The following ADGRA3 variants were observed in gnomAD, a reference collection of about 807,000 sequenced individuals.
The protein encoded by ADGRA3 is G-protein coupled receptor 125.
In ADGRA3, 56 loss-of-function variants were observed where a neutral mutation model predicts 119.8. The ratio of observed to expected loss-of-function variants is 0.47; its 90% confidence interval spans 0.38 to 0.58. The LOEUF is 0.58. Among genes scored for constraint, ADGRA3 ranks in the 20% least tolerant of loss-of-function variants. The pLI is 0.00. For synonymous variants in ADGRA3, 607 were observed against 623.8 expected (o/e 0.97, Z 0.40); for missense variants, 1,516 against 1,649.0 (o/e 0.92, Z 1.40).
intron 1 of ADGRA3, among the ~76,000 whole-genome samples, chr4:22,502,893 G>GAAA (rs71182944): frequency 8.3e-6 from 1 of 120,098 alleles, no homozygotes. Flanking sequence ...CTACTTAAGG[G>GAAA]AAAAAAAAAA....
chr4:22,448,609 A>G (rs188094287), intron 4 of ADGRA3, among the ~76,000 whole-genome samples: 49 of 152,316 alleles, frequency 3.2e-4, no homozygotes, highest in African/African-American at 9.1e-4. Flanking sequence ...GAGTTGGAGA[A>G]GAGAACTGAT....
chr4:22,413,077 A>AAAAAAAAC, intron 14 of ADGRA3, 105 bp downstream of exon 14: 3 of 800,618 alleles, frequency 3.7e-6, no homozygotes, highest in African/African-American at 2.0e-5. Context: ...GTTAAAAGTA[A>AAAAAAAAC]AAAAAAAAAA....
intron 1 of ADGRA3, among the ~76,000 whole-genome samples, chr4:22,511,806 G>A (rs750298865): frequency 3.3e-5 from 5 of 151,532 alleles, no homozygotes; most frequent in South Asian, 2.1e-4. Flanking sequence ...CTCCAAACCC[G>A]TGGGCACCTG....
At chr4:22,496,602 A>C (rs111982867) in intron 1 of ADGRA3, among the ~76,000 whole-genome samples, 3,345 of 152,270 alleles carry the variant, frequency 0.022, 114 homozygotes, top group African/African-American at 0.075. Context: ...GGAAATTATG[A>C]CTCAAGGGTG....
intron 14 of ADGRA3, among the ~76,000 whole-genome samples, chr4:22,407,353 T>C (rs1714985388): frequency 6.6e-6 from 1 of 152,020 alleles, no homozygotes; most frequent in African/African-American, 2.4e-5. Context: ...AGCTCTACAA[T>C]GAGAGAGAGA....
Position 22,388,345 on chromosome 4 carries a change from GA to G in ADGRA3, c.3325del (p.Ser1109ProfsTer7). 2 of 1,614,088 alleles carry G rather than the reference GA, an allele frequency of 1.2e-6. No individual in the cohort carries two copies. Among genetic ancestry groups the G allele is most frequent in the Non-Finnish European group, 1.7e-6 (2 of 1,180,006 alleles). ...TNKSASSFKN[S>X]SQGCKLTNLQ... Reference sequence around the variant, plus strand: ...GTTTGTTAATTTGCAGCCCTGGGAGGAATTTTTGAAGCTTGAAGCACTTTTG... The same window carrying G: ...GTTTGTTAATTTGCAGCCCTGGGAGGATTTTTGAAGCTTGAAGCACTTTTG... On this transcript the variant is annotated frameshift_variant, in exon 19 of 19. Transcript: ENST00000334304. LOFTEE classifies it high-confidence loss of function.
intron 1 of ADGRA3, among the ~76,000 whole-genome samples, chr4:22,507,775 G>A (rs911019714): frequency 3.3e-5 from 5 of 152,116 alleles, no homozygotes; most frequent in Non-Finnish European, 5.9e-5. Context: ...AGATTTCTGA[G>A]CAATATTCCC....
intron 10 of ADGRA3, among the ~76,000 whole-genome samples, chr4:22,431,215 T>A (rs980005244): frequency 6.6e-6 from 1 of 152,058 alleles, no homozygotes; most frequent in African/African-American, 2.4e-5. Context: ...AAGGCCACCG[T>A]CCTCCAGACC....
chr4:22,492,694 T>C (rs1276099437), intron 1 of ADGRA3, among the ~76,000 whole-genome samples: 1 of 152,018 alleles, frequency 6.6e-6, no homozygotes, highest in Non-Finnish European at 1.5e-5. Context: ...GTGTGGTAAA[T>C]GACATTCTCA....
chr4:22,429,177 A>T (rs931386185), intron 10 of ADGRA3, among the ~76,000 whole-genome samples: 3 of 152,222 alleles, frequency 2.0e-5, no homozygotes, highest in African/African-American at 7.2e-5. Flanking sequence ...TATTAAATAT[A>T]TTAAAAGATA....
chr4:22,452,403 T>C (rs1156537294), intron 4 of ADGRA3, among the ~76,000 whole-genome samples: 1 of 152,138 alleles, frequency 6.6e-6, no homozygotes, highest in Non-Finnish European at 1.5e-5. Context: ...TATATACAAA[T>C]ACAAATAAAT....
intron 14 of ADGRA3, among the ~76,000 whole-genome samples, chr4:22,406,511 G>A (rs1019037146): frequency 1.3e-5 from 2 of 152,070 alleles, no homozygotes; most frequent in Non-Finnish European, 2.9e-5. Flanking sequence ...CTTAACTGGG[G>A]TAAGGTATCT....
chr4:22,478,317 T>C (rs1346165622), intron 1 of ADGRA3: 1 of 152,156 alleles, frequency 6.6e-6, no homozygotes, highest in Non-Finnish European at 1.5e-5. Context: ...GAAATAAAAA[T>C]TAAGTAGTTT....
In ADGRA3 at chr4:22,425,353, G is replaced by A. The variant is rs116892212; in HGVS notation, c.1444-1001C>T. Among the ~76,000 whole-genome samples the A allele has an allele frequency of 8.8e-3, 1,334 of 151,984 alleles. 21 individuals carry two copies. Among genetic ancestry groups the A allele is most frequent in the East Asian group, 0.045 (230 of 5,166 alleles). ...TTCATTTACTGGATTCTTTTTATTCGCTCACTTCGTAACTTACAGATGTAA... is the reference window on the plus strand; with the variant it reads ...TTCATTTACTGGATTCTTTTTATTCACTCACTTCGTAACTTACAGATGTAA... On this transcript the variant is annotated intron_variant, in intron 10 of 18. Coordinates refer to ENST00000334304, the MANE Select transcript of ADGRA3 (RefSeq NM_145290.4).
intron 1 of ADGRA3, among the ~76,000 whole-genome samples, chr4:22,475,669 G>T (rs1326114258): frequency 6.6e-6 from 1 of 151,948 alleles, no homozygotes; most frequent in Non-Finnish European, 1.5e-5. Flanking sequence ...GGAGCTTGCA[G>T]TGAGCCGAGA....
rs537838250 is a variant in ADGRA3 at position 22,498,490 on chromosome 4, C to A, written c.257+17038G>T. Among the ~76,000 whole-genome samples, 4 of 145,430 alleles carry A rather than the reference C, an allele frequency of 2.8e-5. No homozygotes were observed. In the South Asian group the frequency reaches 6.9e-4, roughly 25 times the overall value. ...AAAATTAGCAGGGCATGGTGGCGGG[C>A]GCCTGTAATCCTAGCTACTCGGGAA... On this transcript the variant is annotated intron_variant, in intron 1 of 18. Coordinates refer to ENST00000334304, the MANE Select transcript of ADGRA3 (RefSeq NM_145290.4).
rs560687295 is a variant in ADGRA3 at position 22,439,854 on chromosome 4, C to T, written c.921-1434G>A. On this transcript the variant is annotated intron_variant, in intron 7 of 18. Coordinates refer to ENST00000334304, the MANE Select transcript of ADGRA3 (RefSeq NM_145290.4). The stretch of plus-strand genomic sequence containing the variant: ...GACATAGTAACTTTGTCATGGTGCC[C>T]CACCCCAGCTCAAAAAAATACCGAT... Among the ~76,000 whole-genome samples, 5 of 152,138 alleles carry T rather than the reference C, an allele frequency of 3.3e-5. No individual in the cohort carries two copies. In the East Asian group the frequency reaches 7.7e-4, roughly 23 times the overall value.
intron 1 of ADGRA3, among the ~76,000 whole-genome samples, chr4:22,503,887 C>T (rs1274349441): frequency 6.6e-6 from 1 of 152,116 alleles, no homozygotes; most frequent in Non-Finnish European, 1.5e-5. Flanking sequence ...TTGGTAGGGG[C>T]ACATTTATTC....
intron 1 of ADGRA3, among the ~76,000 whole-genome samples, chr4:22,512,326 G>C (rs140038395): frequency 5.3e-5 from 8 of 152,110 alleles, no homozygotes; most frequent in African/African-American, 1.7e-4. Context: ...CCTGGTAATA[G>C]AGCATTGACC....
Sources: gnomAD v4.1 joint callset for allele counts (sites outside exome capture counted in the v4.1 genomes callset) on GRCh38, gnomAD v4.1.1 for gene constraint, MANE v1.5 for transcripts, NCBI Gene and HGNC (gene_info 2026-07-23, HGNC 2026-07-21) for gene names.